The following RAB40B variants were observed in gnomAD, a reference collection of about 807,000 sequenced individuals.
The protein encoded by RAB40B is RAB40B, member RAS oncogene family, also known as ras-related protein Rab-40B.
Under a neutral mutation model 24.0 loss-of-function variants are expected in RAB40B, and 21 were observed. The ratio of observed to expected loss-of-function variants is 0.88; its 90% CI spans 0.62 to 1.26. The LOEUF (loss-of-function observed/expected upper bound fraction) is 1.26, where lower values mean the gene tolerates loss of function less well. Among genes scored for constraint, RAB40B ranks in the 50% most tolerant of loss-of-function variants. The pLI is 0.00. For synonymous variants in RAB40B, 167 were observed against 169.8 expected, an observed-to-expected ratio of 0.98 and a Z score of 0.13; for missense variants, 348 against 390.5, an observed-to-expected ratio of 0.89 and a Z score of 0.92.
Position 82,697,645 on chromosome 17 carries a change from C to G in RAB40B, c.142+810G>C, listed in dbSNP as rs1421667361. ...GCCCCGCCTGCTCCTCACTCCCAGC[C>G]GAGGTGTTCGCCTCTGCGCGTTCCC... On this transcript the variant is annotated intron_variant, in intron 1 of 5. Coordinates refer to ENST00000571995, the MANE Select transcript of RAB40B (RefSeq NM_006822.3). The surrounding 1 kb of genome is among the most constrained non-coding windows in gnomAD (Gnocchi z 4.9). 6.6e-6 allele frequency among the ~76,000 whole-genome samples: 1 copy of G among 152,216 alleles called. No individual in the cohort carries two copies. Among genetic ancestry groups the G allele is most frequent in the African/African-American group, 2.4e-5 (1 of 41,460 alleles).
chr17:82,664,880 G>A lies in RAB40B; in HGVS notation c.143-324C>T, dbSNP rs112781241. On this transcript the variant is annotated intron_variant, in intron 1 of 5. Coordinates refer to ENST00000571995, the MANE Select transcript of RAB40B (RefSeq NM_006822.3). ...GTGGGTTTGCCGCGGGGCTGTGGCCGCTGGGTGTGCCCCCGTCTGGGCTGG... is the reference window on the plus strand; with the variant it reads ...GTGGGTTTGCCGCGGGGCTGTGGCCACTGGGTGTGCCCCCGTCTGGGCTGG... The A allele has an allele frequency of 3.5e-3, 911 of 259,484 alleles. 3 individuals are homozygous for A. The highest frequency in any genetic ancestry group is 5.3e-3 in the Admixed American group (106 of 19,974). 16.1% of individuals were successfully genotyped at this position (259,484 alleles called of 1,614,324 possible).
At chr17:82,660,611 C>G (rs764987772) in intron 3 of RAB40B, among the ~76,000 whole-genome samples, 1 of 148,472 alleles carries the variant, frequency 6.7e-6, no homozygotes, top group Non-Finnish European at 1.5e-5. Flanking sequence ...CTGCACATAC[C>G]TGCACACACG....
rs890279033 is a variant in RAB40B, at chr17:82,697,104, G to A, written c.142+1351C>T. 2.6e-5 allele frequency among the ~76,000 whole-genome samples: 4 copies of A among 152,072 alleles called. No homozygotes were observed. The highest frequency in any genetic ancestry group is 9.7e-5 in the African/African-American group (4 of 41,414). On this transcript the variant is annotated intron_variant, in intron 1 of 5. Coordinates refer to ENST00000571995, the MANE Select transcript of RAB40B (RefSeq NM_006822.3). The surrounding 1 kb of genome is among the most constrained non-coding windows in gnomAD (Gnocchi z 4.9). ...ACTCCCCCGCATGCTGCAGTTTCAGGAGGCCTCTGGGTGCTGGTCGTGAGC... is the reference window on the plus strand; with the variant it reads ...ACTCCCCCGCATGCTGCAGTTTCAGAAGGCCTCTGGGTGCTGGTCGTGAGC...
At chr17:82,662,985 A>G (rs1047588092) in intron 2 of RAB40B, among the ~76,000 whole-genome samples, 1 of 151,180 alleles carries the variant, frequency 6.6e-6, no homozygotes, top group African/African-American at 2.4e-5. Context: ...AGGGAGGGAG[A>G]GACTTGAGAA....
intron 1 of RAB40B, among the ~76,000 whole-genome samples, chr17:82,681,020 C>CAAAAAAAA (rs201799464): frequency 2.3e-4 from 22 of 93,942 alleles, no homozygotes; most frequent in East Asian, 3.5e-4. Flanking sequence ...GACTCCATCT[C>CAAAAAAAA]AAAAAAAAAA....
At chr17:82,670,621 G>C (rs150738196) in intron 1 of RAB40B, among the ~76,000 whole-genome samples, 1 of 148,126 alleles carries the variant, frequency 6.8e-6, no homozygotes, top group African/African-American at 2.5e-5. Context: ...TGTAACCTCC[G>C]CCTCCCGGGT....
rs926513016 is a variant in RAB40B at position 82,656,018 on chromosome 17, G to A, written c.*1845C>T. 6.7e-6 allele frequency: 1 copy of A among 148,306 alleles called. No homozygotes were observed. Among genetic ancestry groups the A allele is most frequent in the Non-Finnish European group, 1.5e-5 (1 of 67,452 alleles). 9.2% of individuals were successfully genotyped at this position (148,306 alleles called of 1,614,324 possible). On this transcript the variant is annotated 3_prime_UTR_variant, in exon 6 of 6. Coordinates refer to ENST00000571995, the MANE Select transcript of RAB40B (RefSeq NM_006822.3). The stretch of plus-strand genomic sequence containing the variant: ...GGCTGGGGTGCAGTGGTACGATCTC[G>A]GCTCACTGCAACCCCTGCCTCCCAG...
intron 1 of RAB40B, among the ~76,000 whole-genome samples, chr17:82,691,768 G>A (rs2046560418): frequency 6.6e-6 from 1 of 152,212 alleles, no homozygotes; most frequent in Non-Finnish European, 1.5e-5. Flanking sequence ...GCACCAGCTG[G>A]GGTGGCGGAA....
At chr17:82,661,384 G>A (rs993879614) in intron 2 of RAB40B, 2 of 680,180 alleles carry the variant, frequency 2.9e-6, no homozygotes, top group East Asian at 9.6e-5. Context: ...AGGAGTGTGG[G>A]TCTACACCAG....
chr17:82,676,110 G>T (rs1024440641), intron 1 of RAB40B, among the ~76,000 whole-genome samples: 7 of 152,114 alleles, frequency 4.6e-5, no homozygotes, highest in Non-Finnish European at 1.5e-5. Flanking sequence ...TATGAATGGG[G>T]AACCGACCGC....
intron 5 of RAB40B, 170 bp from the exon 6 acceptor site, chr17:82,658,304 C>G: frequency 1.9e-6 from 2 of 1,071,618 alleles, no homozygotes; most frequent in Non-Finnish European, 2.6e-6. Flanking sequence ...ACGTACAGAT[C>G]CCAGGAGCTC....
chr17:82,659,884 C>T (rs2046140067), intron 3 of RAB40B: 1 of 519,890 alleles, frequency 1.9e-6, no homozygotes. Context: ...CTAGAACTCA[C>T]ACCCACGAGC....
chr17:82,681,039 A>G (rs909983171), intron 1 of RAB40B, among the ~76,000 whole-genome samples: 4 of 151,006 alleles, frequency 2.6e-5, no homozygotes, highest in Admixed American at 1.3e-4. Flanking sequence ...AAAAAAAAAA[A>G]AAAAAAAAAA....
intron 1 of RAB40B, among the ~76,000 whole-genome samples, chr17:82,665,258 CT>C (rs11326382): frequency 0.68 from 96,652 of 143,146 alleles, 32,491 homozygotes; most frequent in South Asian, 0.75. Context: ...CTTTCTTCTT[CT>C]TTTTTTTTTT....
chr17:82,674,828 C>G (rs1455574541), intron 1 of RAB40B, among the ~76,000 whole-genome samples: 1 of 152,016 alleles, frequency 6.6e-6, no homozygotes, highest in Non-Finnish European at 1.5e-5. Context: ...CAGAATGAAC[C>G]TAACACAGAA....
intron 1 of RAB40B, among the ~76,000 whole-genome samples, chr17:82,682,245 A>G (rs1160736434): frequency 1.3e-5 from 2 of 152,148 alleles, no homozygotes; most frequent in Non-Finnish European, 2.9e-5. Flanking sequence ...GCCAACATGG[A>G]AAAAAACAGT....
intron 1 of RAB40B, among the ~76,000 whole-genome samples, chr17:82,669,136 G>A (rs1172181946): frequency 2.5e-5 from 2 of 80,436 alleles, no homozygotes; most frequent in African/African-American, 4.5e-5. Flanking sequence ...CCAGGAATTC[G>A]AAACCAGCCT....
rs565983058 is a variant in RAB40B at position 82,658,233 on chromosome 17, C to T, written c.566-99G>A. On this transcript the variant is annotated intron_variant, in intron 5 of 5. Coordinates refer to ENST00000571995, the MANE Select transcript of RAB40B (RefSeq NM_006822.3). Reference sequence around the variant, plus strand: ...CCTGTTCTCCCGCCCTCCCAAGGCTCGGACGCCCGTGGCCCTGGCTTGTAC... The same window carrying T: ...CCTGTTCTCCCGCCCTCCCAAGGCTTGGACGCCCGTGGCCCTGGCTTGTAC... The T allele has an allele frequency of 1.6e-5, 24 of 1,498,180 alleles. No homozygotes were observed. In the East Asian group the frequency reaches 3.2e-4, roughly 20 times the overall value. 92.8% of individuals were successfully genotyped at this position (1,498,180 alleles called of 1,614,324 possible).
At chr17:82,659,295 G>T in intron 4 of RAB40B, 1 of 442,308 alleles carries the variant, frequency 2.3e-6, no homozygotes, top group Non-Finnish European at 4.2e-6. Flanking sequence ...GACCACAGCA[G>T]GGAGTGAAGC....
Sources: allele counts gnomAD v4.1 joint callset (sites outside exome capture counted in the v4.1 genomes callset), GRCh38; gene constraint gnomAD v4.1.1; non-coding constraint Gnocchi (gnomAD v3.1); transcripts MANE v1.5; gene names NCBI Gene and HGNC (gene_info 2026-07-23, HGNC 2026-07-21).